Variants in SLAMF6 observed in about 807,000 individuals in gnomAD.
SLAMF6 encodes the protein SLAM family member 6, also known as NK-T-B-antigen.
A neutral mutation model predicts 38.3 loss-of-function variants in SLAMF6; 21 were observed. That is an observed-to-expected ratio of 0.55 (90% CI 0.39 to 0.79). The LOEUF (loss-of-function observed/expected upper bound fraction) is 0.79, where lower values mean the gene tolerates loss of function less well. Ranked by LOEUF, SLAMF6 falls within the 30% of genes least tolerant of loss-of-function variation. SLAMF6 has a pLI of 0.00. For synonymous variants in SLAMF6, 152 were observed against 146.3 expected (o/e 1.04, Z -0.28); for missense variants, 341 against 385.3 (o/e 0.89, Z 0.96).
chr1:160,485,107 T>C lies in SLAMF6; in HGVS notation c.*1600A>G, dbSNP rs1652902092. ...ACTCTGTCACCCAGACTGGAATACATTGGCATGATTTTGGCTCACTGGAAC... is the reference window on the plus strand; with the variant it reads ...ACTCTGTCACCCAGACTGGAATACACTGGCATGATTTTGGCTCACTGGAAC... On this transcript the variant is annotated 3_prime_UTR_variant, in exon 8 of 8. Coordinates refer to ENST00000368057, the MANE Select transcript of SLAMF6 (RefSeq NM_001184714.2). The C allele has an allele frequency of 6.6e-6, 1 of 152,152 alleles. No individual in the cohort carries two copies. Among genetic ancestry groups the C allele is most frequent in the African/African-American group, 2.4e-5 (1 of 41,444 alleles). The allele number at this position is 152,152 out of a possible 1,614,324, so 9.4% of individuals were successfully genotyped here.
At chr1:160,517,624 C>T (rs10908782) in intron 1 of SLAMF6, among the ~76,000 whole-genome samples, 112,409 of 152,120 alleles carry the variant, frequency 0.74, 45,175 homozygotes, top group Non-Finnish European at 0.91. Context: ...CAATGACAGA[C>T]GAGATAAAGA....
chr1:160,490,745 G>A, intron 3 of SLAMF6, 60 bp from the exon 4 acceptor site: 1 of 1,586,028 alleles, frequency 6.3e-7, no homozygotes, highest in South Asian at 1.2e-5. Flanking sequence ...ACTGTTCTTG[G>A]AGCCTCCGTG....
At position 160,491,354 on chromosome 1, in the gene SLAMF6, A is replaced by G; in HGVS notation, c.417T>C (p.Ser139=). The G allele has an allele frequency of 7.4e-6, 12 of 1,613,926 alleles. No homozygotes were observed. The highest frequency in any genetic ancestry group is 1.0e-5 in the Non-Finnish European group (12 of 1,179,920). Residue 139 remains serine, a synonymous_variant, in exon 3 of 8, where the codon AGT becomes AGC. Coordinates refer to ENST00000368057, the MANE Select transcript of SLAMF6 (RefSeq NM_001184714.2). ...CACAGGTCATATTCTGAAATAGCTG[A>G]CTGTGATTGGTAACTTGTATGTTCC... is the stretch of plus-strand genomic sequence containing the variant. The part of the protein sequence containing the change: ...QLRNIQVTNH[S]QLFQNMTCEL...
intron 1 of SLAMF6, among the ~76,000 whole-genome samples, chr1:160,504,728 T>C (rs12047475): frequency 0.026 from 3,910 of 152,262 alleles, 102 homozygotes; most frequent in East Asian, 0.11. Context: ...CAAAACATTA[T>C]AGTGGAGGCA....
At chr1:160,517,781 C>T (rs1485399532) in intron 1 of SLAMF6, among the ~76,000 whole-genome samples, 1 of 152,082 alleles carries the variant, frequency 6.6e-6, no homozygotes, top group African/African-American at 2.4e-5. Flanking sequence ...CATGTTCTCA[C>T]TTGTAAGTGG....
chr1:160,497,682 T>G (rs1279863857), intron 1 of SLAMF6, among the ~76,000 whole-genome samples: 1 of 152,146 alleles, frequency 6.6e-6, no homozygotes, highest in Non-Finnish European at 1.5e-5. Context: ...CATATTTATG[T>G]CCATGTGTGC....
intron 1 of SLAMF6, among the ~76,000 whole-genome samples, chr1:160,511,290 T>C (rs558901341): frequency 6.6e-6 from 1 of 152,288 alleles, no homozygotes; most frequent in Non-Finnish European, 1.5e-5. Flanking sequence ...AAAGCAAAAT[T>C]GGTGGACTCA....
chr1:160,493,139 T>C (rs948846420), intron 2 of SLAMF6, among the ~76,000 whole-genome samples: 1 of 151,798 alleles, frequency 6.6e-6, no homozygotes, highest in East Asian at 1.9e-4. Flanking sequence ...CCTTTTGCGA[T>C]GTGGCCCCTG....
intron 1 of SLAMF6, among the ~76,000 whole-genome samples, chr1:160,496,607 T>C (rs1220837776): frequency 6.6e-6 from 1 of 152,136 alleles, no homozygotes; most frequent in Non-Finnish European, 1.5e-5. Flanking sequence ...TCTTGGTTAG[T>C]AGGCAGCTAG....
At chr1:160,517,184 A>T (rs1031083901) in intron 1 of SLAMF6, among the ~76,000 whole-genome samples, 2 of 152,212 alleles carry the variant, frequency 1.3e-5, no homozygotes, top group African/African-American at 4.8e-5. Context: ...AAACAACCCC[A>T]TTAAAAGGCG....
rs1287186066 is a variant in SLAMF6, at chr1:160,496,455, AC to A, written c.50-63del. 7 of 1,518,198 alleles carry A rather than the reference AC, an allele frequency of 4.6e-6. No homozygotes were observed. In the East Asian group the frequency reaches 1.6e-4, roughly 34 times the overall value. 94.0% of individuals were successfully genotyped at this position (1,518,198 alleles called of 1,614,324 possible). A position where few individuals can be genotyped will look rare whatever the true frequency, so the allele number is the denominator to read the frequency against. On this transcript the variant is annotated intron_variant, in intron 1 of 7. Coordinates refer to ENST00000368057, the MANE Select transcript of SLAMF6 (RefSeq NM_001184714.2). ...TGACCATCTCCCTGCCAAGTCCTGC[AC>A]CCTTTCACCTAACGCTGCCAGTCTG...
chr1:160,489,262 G>A, intron 5 of SLAMF6, 92 bp from the exon 6 acceptor site: 1 of 1,249,130 alleles, frequency 8.0e-7, no homozygotes, highest in South Asian at 1.2e-5. Flanking sequence ...TGTGTCCCCA[G>A]ATAGGCAGGT....
chr1:160,487,490 C>T (rs191130149), intron 6 of SLAMF6, among the ~76,000 whole-genome samples: 93 of 152,254 alleles, frequency 6.1e-4, no homozygotes, highest in African/African-American at 2.0e-3. Context: ...TTTCCTTCCT[C>T]CATTTTTAAG....
chr1:160,485,685 A>G lies in SLAMF6; in HGVS notation c.*1022T>C, dbSNP rs913280920. ...GAAGGATCCAATTTATATTAAAAAC[A>G]TTACTCTGGCCATCTTGTGGAGAGT... On this transcript the variant is annotated 3_prime_UTR_variant, in exon 8 of 8. Transcript: ENST00000368057. 4 of 152,642 alleles carry G rather than the reference A, an allele frequency of 2.6e-5. No homozygotes were observed. The highest frequency in any genetic ancestry group is 5.9e-5 in the Non-Finnish European group (4 of 68,060). 9.5% of individuals were successfully genotyped at this position (152,642 alleles called of 1,614,324 possible).
rs1653284753 is a variant in SLAMF6, at chr1:160,491,305, C to G, written c.466G>C (p.Glu156Gln). 1.2e-6 allele frequency: 2 copies of G among 1,614,046 alleles called. No homozygotes were observed. Among genetic ancestry groups the G allele is most frequent in the Non-Finnish European group, 1.7e-6 (2 of 1,179,970 alleles). The change falls in exon 3 of 8, where the codon GAG (glutamate) becomes CAG (glutamine). Residue 156 changes from glutamate (E) to glutamine (Q), a missense_variant. By Grantham distance (29) the Glu-to-Gln change is conservative. Transcript: ENST00000368057. ...TCELHLTCSV[E>Q]DADDNVSFRW... Reference sequence around the variant, plus strand: ...AATGAGACATTGTCATCTGCATCCTCCACAGAGCAAGTCAGATGGAGCTCA... The same window carrying G: ...AATGAGACATTGTCATCTGCATCCTGCACAGAGCAAGTCAGATGGAGCTCA...
intron 1 of SLAMF6, among the ~76,000 whole-genome samples, chr1:160,498,299 G>GAATGGCTATT (rs1203633010): frequency 6.6e-6 from 1 of 152,134 alleles, no homozygotes; most frequent in East Asian, 1.9e-4. Context: ...CATTCTGACA[G>GAATGGCTATT]AATGGCTATT....
At position 160,486,600 on chromosome 1, in the gene SLAMF6, A is replaced by G; in HGVS notation, c.*107T>C. The G allele has an allele frequency of 1.6e-6, 2 of 1,221,838 alleles. No homozygotes were observed. Among genetic ancestry groups the G allele is most frequent in the Non-Finnish European group, 1.2e-6 (1 of 838,360 alleles). The allele number at this position is 1,221,838 out of a possible 1,614,324, so 75.7% of individuals were successfully genotyped here. On this transcript the variant is annotated 3_prime_UTR_variant, in exon 8 of 8. Transcript: ENST00000368057. ...GGTGATCATCCTATCCTAGATATTC[A>G]AATTCTGTTGCCAGGAACAACAGGA...
chr1:160,497,011 C>A (rs1331230528), intron 1 of SLAMF6, among the ~76,000 whole-genome samples: 1 of 151,972 alleles, frequency 6.6e-6, no homozygotes, highest in African/African-American at 2.4e-5. Context: ...ACTAATTTTC[C>A]CAGGGTTGCA....
At position 160,520,647 on chromosome 1, in the gene SLAMF6, T is replaced by C. The variant is rs1323726581; in HGVS notation, c.49+2497A>G. Among the ~76,000 whole-genome samples, 4 of 152,290 alleles carry C rather than the reference T, an allele frequency of 2.6e-5. No homozygotes were observed. In the South Asian group the frequency reaches 6.2e-4, roughly 24 times the overall value. On this transcript the variant is annotated intron_variant, in intron 1 of 7. Transcript: ENST00000368057. ...TATTTACAATTATTGTTTTGTTCTG[T>C]TAGTTTTGCCACCCAGGGCTTGAGT...
Sources: allele counts gnomAD v4.1 joint callset (sites outside exome capture counted in the v4.1 genomes callset), GRCh38; gene constraint gnomAD v4.1.1; transcripts MANE v1.5; gene names NCBI Gene and HGNC (gene_info 2026-07-23, HGNC 2026-07-21).